Variants in PLCG2 observed in about 807,000 individuals in gnomAD.
PLCG2 encodes 1-phosphatidylinositol 4,5-bisphosphate phosphodiesterase gamma-2.
Under a neutral mutation model 175.6 loss-of-function variants are expected in PLCG2, and 69 were observed. That is an observed-to-expected ratio of 0.39 (90% confidence interval 0.32 to 0.48). The LOEUF (loss-of-function observed/expected upper bound fraction) is 0.48. Among genes scored for constraint, PLCG2 ranks in the 20% least tolerant of loss-of-function variants. The pLI is 0.91. For missense variants in PLCG2, 1,798 were observed against 1,650.9 expected (o/e 1.09, Z -1.54); for synonymous variants, 827 against 624.0 (o/e 1.33, Z -4.85).
chr16:81,907,265 G>A (rs1909414383), intron 15 of PLCG2, among the ~76,000 whole-genome samples: 1 of 151,672 alleles, frequency 6.6e-6, no homozygotes, highest in Non-Finnish European at 1.5e-5. Flanking sequence ...ACTTAACCCT[G>A]GTACTTTACA....
chr16:81,840,657 G>A (rs561954859), intron 2 of PLCG2, among the ~76,000 whole-genome samples: 60 of 152,268 alleles, frequency 3.9e-4, no homozygotes, highest in South Asian at 1.5e-3. Context: ...ATCTAACGCC[G>A]CTGATGATCT....
At chr16:81,899,681 C>T (rs1196110801) in intron 13 of PLCG2, among the ~76,000 whole-genome samples, 4 of 152,150 alleles carry the variant, frequency 2.6e-5, no homozygotes, top group African/African-American at 4.8e-5. Context: ...GCCCGAAGCA[C>T]AGTGGTGAGG....
At chr16:81,897,507 A>C (rs976237550) in intron 13 of PLCG2, among the ~76,000 whole-genome samples, 1 of 151,872 alleles carries the variant, frequency 6.6e-6, no homozygotes, top group Non-Finnish European at 1.5e-5. Context: ...TGAGTCAATA[A>C]GATCGATTAT....
At chr16:81,828,815 A>G (rs1168333186) in intron 2 of PLCG2, among the ~76,000 whole-genome samples, 1 of 152,174 alleles carries the variant, frequency 6.6e-6, no homozygotes, top group African/African-American at 2.4e-5. Flanking sequence ...AGGTTTCAAC[A>G]AATGTGAATT....
chr16:81,754,721 A>T (rs763451571), intron 1 of PLCG2, among the ~76,000 whole-genome samples: 2 of 151,706 alleles, frequency 1.3e-5, no homozygotes, highest in Non-Finnish European at 2.9e-5. Flanking sequence ...GGCCTGTCTG[A>T]AGTATGTGTG....
At chr16:81,916,942 CTT>C (rs2143675853) in intron 19 of PLCG2, among the ~76,000 whole-genome samples, 1 of 152,254 alleles carries the variant, frequency 6.6e-6, no homozygotes, top group South Asian at 2.1e-4. Context: ...CCGGCCAGGA[CTT>C]TGTTATTGAC....
At chr16:81,826,552 A>G (rs1346909418) in intron 2 of PLCG2, among the ~76,000 whole-genome samples, 1 of 152,218 alleles carries the variant, frequency 6.6e-6, no homozygotes, top group Non-Finnish European at 1.5e-5. Flanking sequence ...AGCACTTAGA[A>G]TAACACATGT....
At chr16:81,819,762 T>G (rs529895154) in intron 2 of PLCG2, among the ~76,000 whole-genome samples, 2 of 152,250 alleles carry the variant, frequency 1.3e-5, no homozygotes, top group Non-Finnish European at 2.9e-5. Context: ...TTTTTGTATT[T>G]TTAGCAGAGA....
intron 5 of PLCG2, among the ~76,000 whole-genome samples, chr16:81,860,405 A>G (rs1265373813): frequency 2.6e-5 from 4 of 151,954 alleles, no homozygotes; most frequent in South Asian, 2.1e-4. Flanking sequence ...GAGTGGGGTA[A>G]ATTCTCAGAA....
At chr16:81,927,697 G>A (rs1910332760) in intron 23 of PLCG2, among the ~76,000 whole-genome samples, 1 of 152,172 alleles carries the variant, frequency 6.6e-6, no homozygotes, top group South Asian at 2.1e-4. Flanking sequence ...AGGATTTTAA[G>A]ATCCCGTTAG....
At position 81,936,253 on chromosome 16, in the gene PLCG2, A is replaced by G; in HGVS notation, c.2927A>G (p.Lys976Arg). 6.2e-7 allele frequency: 1 copy of G among 1,614,198 alleles called. No homozygotes were observed. Among genetic ancestry groups the G allele is most frequent in the Non-Finnish European group, 8.5e-7 (1 of 1,180,026 alleles). The change falls in exon 27 of 33, where the codon AAG becomes AGG. Residue 976 changes from lysine (K) to arginine (R), a missense_variant. Lys to Arg is a conservative substitution (Grantham distance 26). Coordinates refer to ENST00000564138, the MANE Select transcript of PLCG2 (RefSeq NM_002661.5). The part of the protein sequence containing the change: ...IIRQKPVDLL[K>R]YNQKGLTRVY... ...AGACAGAAGCCCGTCGACCTCCTGA[A>G]GTACAATCAAAAGGGCCTGACCCGC... is the stretch of plus-strand genomic sequence containing the variant.
intron 5 of PLCG2, among the ~76,000 whole-genome samples, chr16:81,866,278 G>A (rs1371018065): frequency 7.4e-6 from 1 of 134,772 alleles, no homozygotes; most frequent in African/African-American, 2.9e-5. Context: ...AGCATGAGAG[G>A]ATGCTAGCCT....
chr16:81,842,361 G>A (rs776121904), intron 2 of PLCG2, among the ~76,000 whole-genome samples: 3 of 152,144 alleles, frequency 2.0e-5, no homozygotes, highest in African/African-American at 4.8e-5. Flanking sequence ...ATCATATGCC[G>A]GCCTGGACAG....
At chr16:81,920,148 T>A (rs1242724276) in intron 20 of PLCG2, among the ~76,000 whole-genome samples, 1 of 152,058 alleles carries the variant, frequency 6.6e-6, no homozygotes, top group Non-Finnish European at 1.5e-5. Flanking sequence ...TAAATAAGGA[T>A]GAGGGTTCAC....
At chr16:81,866,871 C>G (rs1681456055) in intron 5 of PLCG2, among the ~76,000 whole-genome samples, 1 of 152,248 alleles carries the variant, frequency 6.6e-6, no homozygotes, top group South Asian at 2.1e-4. Context: ...CTGCCCTGGC[C>G]CAGCTGTTCC....
Position 81,857,554 on chromosome 16 carries a change from A to T in PLCG2, c.338-709A>T, listed in dbSNP as rs867014329. ...AGTTCTGGTGAGGGCTCTCTTCCTG[A>T]CTTGCAGACAGCTGCCTTCTTGCCA... On this transcript the variant is annotated intron_variant, in intron 3 of 32. Transcript: ENST00000564138. Among the ~76,000 whole-genome samples, 73 of 152,208 alleles carry T rather than the reference A, an allele frequency of 4.8e-4. 1 individual carries two copies. The Middle Eastern group carries it at 0.014, about 28-fold the overall frequency.
In PLCG2 at chr16:81,908,512, A is replaced by G. The variant is rs764701080; in HGVS notation, c.1654A>G (p.Met552Val). ...CGAGAAGTTGCTGCAGGAATACTGC[A>G]TGGAGACGGGGGGCAAGGATGGCAC... ...SAEKLLQEYC[M>V]ETGGKDGTFL... The change falls in exon 17 of 33, where the codon ATG becomes GTG. Residue 552 changes from methionine to valine, a missense_variant. Physicochemically the swap from Met to Val is conservative, Grantham distance 21. Transcript: ENST00000564138. The G allele has an allele frequency of 2.5e-6, 4 of 1,614,054 alleles. No individual in the cohort carries two copies. The South Asian group carries it at 3.3e-5, about 13-fold the overall frequency.
At chr16:81,943,639 A>C (rs1276451879) in intron 30 of PLCG2, among the ~76,000 whole-genome samples, 4 of 152,198 alleles carry the variant, frequency 2.6e-5, no homozygotes, top group African/African-American at 9.6e-5. Context: ...AGACTTCCCA[A>C]GTCAGAATCT....
At chr16:81,849,556 C>T (rs1387791708) in intron 2 of PLCG2, among the ~76,000 whole-genome samples, 1 of 151,950 alleles carries the variant, frequency 6.6e-6, no homozygotes, top group East Asian at 1.9e-4. Context: ...GTCAGGAGTT[C>T]GAGACAAGCC....
Sources: gnomAD v4.1 joint callset for allele counts (sites outside exome capture counted in the v4.1 genomes callset) on GRCh38, gnomAD v4.1.1 for gene constraint, MANE v1.5 for transcripts, NCBI Gene and HGNC (gene_info 2026-07-23, HGNC 2026-07-21) for gene names.